Variants in KIAA0319 observed in about 807,000 individuals in gnomAD.
The protein encoded by KIAA0319 is KIAA0319.
A neutral mutation model predicts 108.4 loss-of-function variants in KIAA0319; 83 were observed. That is an observed-to-expected ratio of 0.77 (90% CI 0.64 to 0.92). The LOEUF (loss-of-function observed/expected upper bound fraction) is 0.92, where lower values mean the gene tolerates loss of function less well. KIAA0319 is among the 40% of genes least tolerant of loss of function. KIAA0319 has a pLI of 0.00. For missense variants in KIAA0319, 1,195 were observed against 1,322.4 expected, an observed-to-expected ratio of 0.90 and a Z score of 1.49; for synonymous variants, 484 against 510.4, an observed-to-expected ratio of 0.95 and a Z score of 0.70.
intron 11 of KIAA0319, 96 bp downstream of exon 11, chr6:24,572,479 G>A: frequency 7.1e-7 from 1 of 1,409,672 alleles, no homozygotes; most frequent in South Asian, 1.4e-5. Context: ...GCACCCACAG[G>A]CCGGTACCAC....
At chr6:24,595,544 C>CT (rs2127520700) in intron 3 of KIAA0319, among the ~76,000 whole-genome samples, 1 of 34,616 alleles carries the variant, frequency 2.9e-5, no homozygotes, top group East Asian at 2.0e-3. Flanking sequence ...GAGATTCAAT[C>CT]TCAAAAAAAA....
intron 5 of KIAA0319, chr6:24,583,048 A>G: frequency 1.0e-6 from 1 of 982,530 alleles, no homozygotes; most frequent in Non-Finnish European, 1.2e-6. Context: ...AAACACCTTA[A>G]GAATGAGTTT....
intron 1 of KIAA0319, among the ~76,000 whole-genome samples, chr6:24,622,312 G>C: frequency 1.5e-5 from 1 of 68,214 alleles, no homozygotes; most frequent in South Asian, 4.7e-4. Flanking sequence ...CTAGACATTT[G>C]AGAAATTAAA....
chr6:24,644,327 T>C (rs192624834), intron 1 of KIAA0319, among the ~76,000 whole-genome samples: 2 of 152,338 alleles, frequency 1.3e-5, no homozygotes, highest in Admixed American at 1.3e-4. Flanking sequence ...ATAATGATCT[T>C]GTTTTTACTA....
chr6:24,644,975 A>G (rs1777430151), intron 1 of KIAA0319, among the ~76,000 whole-genome samples: 1 of 152,248 alleles, frequency 6.6e-6, no homozygotes, highest in African/African-American at 2.4e-5. Flanking sequence ...TAGATTTGGC[A>G]TAACTTTAGT....
rs370589927 is a variant in KIAA0319 at position 24,570,024 on chromosome 6, G to A, written c.1870C>T (p.Pro624Ser). Reference sequence around the variant, plus strand: ...TCAGGGCCGGCCACAGCCACTGGAGGTCTATTGTTTTCTGGAATTACAGAA... The same window carrying A: ...TCAGGGCCGGCCACAGCCACTGGAGATCTATTGTTTTCTGGAATTACAGAA... ...TVIVQPENNRPPVAVAGPDKE... is the reference protein window; with the variant it reads ...TVIVQPENNRSPVAVAGPDKE... The change falls in exon 12 of 21, where the codon CCT (proline) becomes TCT (serine). Residue 624 changes from proline to serine, a missense_variant. Coordinates refer to ENST00000378214, the MANE Select transcript of KIAA0319 (RefSeq NM_014809.4). 6.2e-7 allele frequency: 1 copy of A among 1,613,772 alleles called. No individual in the cohort carries two copies. The highest frequency in any genetic ancestry group is 1.3e-5 in the African/African-American group (1 of 74,916).
chr6:24,621,679 TAAC>T (rs952886996), intron 1 of KIAA0319, among the ~76,000 whole-genome samples: 16 of 151,906 alleles, frequency 1.1e-4, no homozygotes, highest in African/African-American at 3.9e-4. Flanking sequence ...AAATAAACCA[TAAC>T]AACACAGGAA....
rs138076041 is a variant in KIAA0319 at position 24,569,965 on chromosome 6, G to A, written c.1929C>T (p.Thr643=). 8.1e-6 allele frequency: 13 copies of A among 1,613,950 alleles called. No homozygotes were observed. In the African/African-American group the frequency reaches 1.6e-4, roughly 20 times the overall value. Residue 643 remains threonine (T), a synonymous_variant, in exon 12 of 21, where the codon ACC becomes ACT. Coordinates refer to ENST00000378214, the MANE Select transcript of KIAA0319 (RefSeq NM_014809.4). ...CATCGCTGCTGCTGCTCCCATCCAG[G>A]GTAGCACTTTCCACTGGGAAGATCA... ...KELIFPVESA[T]LDGSSSSDDH... is the part of the protein sequence containing the mutation.
chr6:24,590,537 T>A (rs187715496), intron 3 of KIAA0319, among the ~76,000 whole-genome samples: 1 of 152,208 alleles, frequency 6.6e-6, no homozygotes, highest in African/African-American at 2.4e-5. Flanking sequence ...AAACCAGGGC[T>A]GCAGAATAGG....
chr6:24,546,810 A>G lies in KIAA0319; in HGVS notation c.*355T>C, dbSNP rs1216568146. 3 of 198,708 alleles carry G rather than the reference A, an allele frequency of 1.5e-5. No homozygotes were observed. The highest frequency in any genetic ancestry group is 3.1e-5 in the Non-Finnish European group (3 of 95,642). 12.3% of individuals were successfully genotyped at this position (198,708 alleles called of 1,614,324 possible). On this transcript the variant is annotated 3_prime_UTR_variant, in exon 21 of 21. Coordinates refer to ENST00000378214, the MANE Select transcript of KIAA0319 (RefSeq NM_014809.4). ...GAGGCAATCACAGCAGCTAAGACAG[A>G]AATCATCCCTTTTTAAAACCTTGTT...
chr6:24,558,764 A>G (rs1186480649), intron 17 of KIAA0319, among the ~76,000 whole-genome samples: 2 of 152,240 alleles, frequency 1.3e-5, no homozygotes, highest in African/African-American at 4.8e-5. Flanking sequence ...TCTTTCTGCC[A>G]ATAGCCATTA....
Position 24,598,217 on chromosome 6 carries a change from GCATCACAGC to G in KIAA0319, c.56-1608_56-1600del, listed in dbSNP as rs1770042388. The stretch of plus-strand genomic sequence containing the variant: ...TATGGCGGGACCAGTGGTATGGAGG[GCATCACAGC>G]CATCACAGTCAACTAGAGCCTGCTG... On this transcript the variant is annotated intron_variant, in intron 2 of 20. Coordinates refer to ENST00000378214, the MANE Select transcript of KIAA0319 (RefSeq NM_014809.4). The G allele has an allele frequency of 5.7e-6, 3 of 524,864 alleles. No individual in the cohort carries two copies. The East Asian group carries it at 1.1e-4, about 19-fold the overall frequency. 32.5% of individuals were successfully genotyped at this position (524,864 alleles called of 1,614,324 possible). A position where few individuals can be genotyped will look rare whatever the true frequency, so the allele number is the denominator to read the frequency against.
chr6:24,543,456 A>G (rs1215212366), downstream of KIAA0319, among the ~76,000 whole-genome samples: 1 of 151,888 alleles, frequency 6.6e-6, no homozygotes, highest in Non-Finnish European at 1.5e-5. Flanking sequence ...TTTTTCTGAG[A>G]TGGCCTCCTT....
chr6:24,540,590 TCTCAA>T (rs547603536), downstream of KIAA0319, among the ~76,000 whole-genome samples: 150 of 152,054 alleles, frequency 9.9e-4, no homozygotes, highest in Middle Eastern at 0.017. Context: ...TGCTTGCTAA[TCTCAA>T]CTCAACAAGA....
At chr6:24,623,061 G>A (rs927784113) in intron 1 of KIAA0319, among the ~76,000 whole-genome samples, 1 of 151,982 alleles carries the variant, frequency 6.6e-6, no homozygotes. Flanking sequence ...AAAAAAGAGA[G>A]AGAGAGAGAG....
Position 24,599,244 on chromosome 6 carries a change from G to A in KIAA0319, c.55+1805C>T. 2.0e-6 allele frequency: 1 copy of A among 503,640 alleles called. No individual in the cohort carries two copies. 31.2% of individuals were successfully genotyped at this position (503,640 alleles called of 1,614,324 possible). ...GCAGGCACTGGCTGGGAAGCACAGG[G>A]ATGACCTGTGTTATACAAAGATGGA... On this transcript the variant is annotated intron_variant, in intron 2 of 20. Coordinates refer to ENST00000378214, the MANE Select transcript of KIAA0319 (RefSeq NM_014809.4). This position sits in a 1 kb window ranked among gnomAD's most constrained non-coding sequence, Gnocchi z 4.1.
In KIAA0319 at chr6:24,601,157, T is replaced by G; in HGVS notation, c.-54A>C. ...CTTCTGAGGCGGCCCTGAAGAGAGT[T>G]TGGTGCAAGCTTCCTTTGATGTTTT... On this transcript the variant is annotated 5_prime_UTR_variant, in exon 2 of 21. Coordinates refer to ENST00000378214, the MANE Select transcript of KIAA0319 (RefSeq NM_014809.4). 1.2e-6 allele frequency: 2 copies of G among 1,602,012 alleles called. No homozygotes were observed. The highest frequency in any genetic ancestry group is 8.5e-7 in the Non-Finnish European group (1 of 1,173,944).
chr6:24,556,852 T>G, intron 17 of KIAA0319, 123 bp from the exon 18 acceptor site: 3 of 1,140,900 alleles, frequency 2.6e-6, no homozygotes, highest in South Asian at 1.8e-5. Flanking sequence ...TAAGAGCCTC[T>G]TACAGTGTGG....
intron 3 of KIAA0319, among the ~76,000 whole-genome samples, chr6:24,592,176 G>A (rs1037498859): frequency 2.6e-5 from 4 of 152,202 alleles, no homozygotes; most frequent in Admixed American, 6.5e-5. Context: ...TATTGAGAAC[G>A]TTGGTCCATT....
Sources: allele counts gnomAD v4.1 joint callset (sites outside exome capture counted in the v4.1 genomes callset), GRCh38; gene constraint gnomAD v4.1.1; non-coding constraint Gnocchi (gnomAD v3.1); transcripts MANE v1.5; gene names NCBI Gene and HGNC (gene_info 2026-07-23, HGNC 2026-07-21).